The following PPP1R9A variants were observed in gnomAD, a reference collection of about 807,000 sequenced individuals.
The protein encoded by PPP1R9A is neurabin-1.
A neutral mutation model predicts 141.9 loss-of-function variants in PPP1R9A; 59 were observed. The ratio of observed to expected loss-of-function variants is 0.42; its 90% CI spans 0.34 to 0.52. The LOEUF (loss-of-function observed/expected upper bound fraction) is 0.52. PPP1R9A is among the 20% of genes least tolerant of loss of function. The pLI, the probability that PPP1R9A is intolerant of heterozygous loss-of-function variation, is 0.10. For missense variants in PPP1R9A, 1,444 were observed against 1,611.9 expected, an observed-to-expected ratio of 0.90 and a Z score of 1.78; for synonymous variants, 500 against 569.7, an observed-to-expected ratio of 0.88 and a Z score of 1.74.
intron 2 of PPP1R9A, among the ~76,000 whole-genome samples, chr7:94,930,239 G>C (rs183204102): frequency 5.9e-5 from 9 of 152,316 alleles, no homozygotes; most frequent in Admixed American, 4.6e-4. Flanking sequence ...TGATGGGGGA[G>C]CCCCACATTT....
chr7:95,149,181 T>C (rs1198009885), intron 4 of PPP1R9A, among the ~76,000 whole-genome samples: 2 of 151,920 alleles, frequency 1.3e-5, no homozygotes, highest in Non-Finnish European at 2.9e-5. Flanking sequence ...GAAAAAAGCA[T>C]TTGACAAAAA....
At chr7:94,983,897 C>T (rs1024962371) in intron 2 of PPP1R9A, among the ~76,000 whole-genome samples, 2 of 152,146 alleles carry the variant, frequency 1.3e-5, no homozygotes, top group Non-Finnish European at 1.5e-5. Context: ...GAGGGCATCC[C>T]TGTCTTGTGC....
chr7:95,218,011 A>G (rs921754180), intron 7 of PPP1R9A, among the ~76,000 whole-genome samples: 4 of 152,206 alleles, frequency 2.6e-5, no homozygotes, highest in African/African-American at 9.6e-5. Flanking sequence ...GTCTTCTGCT[A>G]GCTTTTGAAT....
At chr7:95,181,713 T>C (rs974520000) in intron 5 of PPP1R9A, among the ~76,000 whole-genome samples, 2 of 130,556 alleles carry the variant, frequency 1.5e-5, no homozygotes, top group African/African-American at 5.8e-5. Flanking sequence ...ATATATATAT[T>C]CCGTCACATA....
intron 10 of PPP1R9A, among the ~76,000 whole-genome samples, 156 bp downstream of exon 10, chr7:95,250,411 G>A (rs1585460325): frequency 6.6e-6 from 1 of 152,072 alleles, no homozygotes; most frequent in African/African-American, 2.4e-5. Flanking sequence ...ATTAAGTTTT[G>A]GAAGTCACTT....
rs191361408 is a variant in PPP1R9A at position 95,188,474 on chromosome 7, A to T, written c.1755-9875A>T. Among the ~76,000 whole-genome samples, 4 of 152,056 alleles carry T rather than the reference A, an allele frequency of 2.6e-5. No individual in the cohort carries two copies. The East Asian group carries it at 7.7e-4, about 29-fold the overall frequency. ...ATCTTTTAAGTGGAGCCTTTAGGTC[A>T]TTTACACTCAGTGTTAGTATTGGGA... is the stretch of plus-strand genomic sequence containing the variant. On this transcript the variant is annotated intron_variant, in intron 5 of 19. Transcript: ENST00000433360.
intron 7 of PPP1R9A, among the ~76,000 whole-genome samples, chr7:95,216,615 A>G (rs947473971): frequency 1.3e-5 from 2 of 152,112 alleles, no homozygotes; most frequent in Admixed American, 6.6e-5. Flanking sequence ...ATGTTCTTCC[A>G]TTTGTTTGTA....
At chr7:95,177,350 C>A (rs560319307) in intron 5 of PPP1R9A, among the ~76,000 whole-genome samples, 1 of 152,240 alleles carries the variant, frequency 6.6e-6, no homozygotes, top group Admixed American at 6.5e-5. Flanking sequence ...GCCACCACTA[C>A]AAGAACTGCT....
chr7:94,970,533 G>C (rs1798747074), intron 2 of PPP1R9A, among the ~76,000 whole-genome samples: 1 of 151,820 alleles, frequency 6.6e-6, no homozygotes, highest in African/African-American at 2.4e-5. Context: ...GATGAGCTGC[G>C]TACCTCGGTT....
intron 2 of PPP1R9A, among the ~76,000 whole-genome samples, chr7:95,008,871 A>G (rs567871339): frequency 2.0e-5 from 3 of 152,232 alleles, no homozygotes; most frequent in Admixed American, 1.3e-4. Flanking sequence ...TTTTGGCACT[A>G]TTCACAATAG....
chr7:95,076,662 A>G (rs1349774326), intron 2 of PPP1R9A, among the ~76,000 whole-genome samples: 2 of 152,056 alleles, frequency 1.3e-5, no homozygotes, highest in Non-Finnish European at 2.9e-5. Flanking sequence ...CTTTTTTGTC[A>G]TATTTCAAAA....
At chr7:95,015,111 T>G (rs1424216107) in intron 2 of PPP1R9A, among the ~76,000 whole-genome samples, 1 of 152,012 alleles carries the variant, frequency 6.6e-6, no homozygotes, top group Non-Finnish European at 1.5e-5. Context: ...TGAATATAAT[T>G]TTTAGAAACC....
intron 2 of PPP1R9A, among the ~76,000 whole-genome samples, chr7:95,088,422 A>C (rs560975239): frequency 6.6e-6 from 1 of 151,898 alleles, no homozygotes; most frequent in Non-Finnish European, 1.5e-5. Context: ...TTGAATTTGG[A>C]AAGTTTCACT....
At chr7:95,263,666 T>C (rs1800797525) in intron 12 of PPP1R9A, among the ~76,000 whole-genome samples, 2 of 152,260 alleles carry the variant, frequency 1.3e-5, no homozygotes, top group African/African-American at 2.4e-5. Flanking sequence ...CACCTCGGCC[T>C]CCCAAAGTGC....
intron 4 of PPP1R9A, among the ~76,000 whole-genome samples, chr7:95,136,360 G>A (rs1354265019): frequency 6.6e-6 from 1 of 152,150 alleles, no homozygotes; most frequent in African/African-American, 2.4e-5. Context: ...GGAGGCCAAG[G>A]TGGGAGGATT....
intron 2 of PPP1R9A, among the ~76,000 whole-genome samples, chr7:95,082,991 A>G (rs1159328755): frequency 2.6e-5 from 4 of 151,438 alleles, no homozygotes; most frequent in African/African-American, 7.3e-5. Context: ...TCCTGACCTC[A>G]TGATCCGCCC....
intron 2 of PPP1R9A, among the ~76,000 whole-genome samples, chr7:95,079,761 C>T (rs1435956350): frequency 3.9e-5 from 6 of 152,128 alleles, no homozygotes; most frequent in African/African-American, 1.4e-4. Flanking sequence ...GGGCTTCATC[C>T]CTGGGATGCA....
chr7:95,041,124 T>C (rs182863489), intron 2 of PPP1R9A, among the ~76,000 whole-genome samples: 87 of 152,268 alleles, frequency 5.7e-4, no homozygotes, highest in African/African-American at 1.9e-3. Context: ...AACGTGAACA[T>C]TTGGGAAAGG....
chr7:95,294,596 T>C lies in PPP1R9A; in HGVS notation c.*4293T>C, dbSNP rs1806846968. 2 of 152,192 alleles carry C rather than the reference T, an allele frequency of 1.3e-5. No homozygotes were observed. The highest frequency in any genetic ancestry group is 4.8e-5 in the African/African-American group (2 of 41,442). 9.4% of individuals were successfully genotyped at this position (152,192 alleles called of 1,614,324 possible). A position where few individuals can be genotyped will look rare whatever the true frequency, so the allele number is the denominator to read the frequency against. On this transcript the variant is annotated 3_prime_UTR_variant, in exon 20 of 20. Transcript: ENST00000433360. ...GCCTGGGTATGTTGGCAGATTTTGT[T>C]TGCATTTGTCTTGCGTATTTAAAGT... is the stretch of plus-strand genomic sequence containing the variant.
Sources: allele counts gnomAD v4.1 joint callset (sites outside exome capture counted in the v4.1 genomes callset), GRCh38; gene constraint gnomAD v4.1.1; transcripts MANE v1.5; gene names NCBI Gene and HGNC (gene_info 2026-07-23, HGNC 2026-07-21).